The following KRT77 variants were observed in gnomAD, a reference collection of about 807,000 sequenced individuals.
KRT77 encodes the protein keratin 77.
A neutral mutation model predicts 51.5 loss-of-function variants in KRT77; 44 were observed. The ratio of observed to expected loss-of-function variants is 0.85; its 90% confidence interval spans 0.67 to 1.10. The LOEUF (loss-of-function observed/expected upper bound fraction) is 1.10, where lower values mean the gene tolerates loss of function less well. Among genes scored for constraint, KRT77 ranks in the 50% least tolerant of loss-of-function variants. The pLI is 0.00. For missense variants in KRT77, 763 were observed against 743.9 expected (o/e 1.03, Z -0.30); for synonymous variants, 293 against 302.0 (o/e 0.97, Z 0.31).
Position 52,703,502 on chromosome 12 carries a change from A to G in KRT77, c.-68T>C. On this transcript the variant is annotated 5_prime_UTR_variant, in exon 1 of 9. Transcript: ENST00000341809. ...GGCAGGAAGGAGGCAGAGACCAGAG[A>G]GGAAAGGAGCTCTGACTCCTTTGAA... is the stretch of plus-strand genomic sequence containing the variant. 12 of 1,391,728 alleles carry G rather than the reference A, an allele frequency of 8.6e-6. No homozygotes were observed. In the Middle Eastern group the frequency reaches 2.3e-3, roughly 263 times the overall value. The allele number at this position is 1,391,728 out of a possible 1,614,324, so 86.2% of individuals were successfully genotyped here.
In KRT77 at chr12:52,697,671, T is replaced by C; in HGVS notation, c.758+11A>G. 6.2e-7 allele frequency: 1 copy of C among 1,604,548 alleles called. No homozygotes were observed. The highest frequency in any genetic ancestry group is 8.5e-7 in the Non-Finnish European group (1 of 1,174,840). ...TGCTTCTCCCCTGTTTTGCCCTGCC[T>C]GGAGTCTCACTTGCTCTTGTAGTCC... is the stretch of plus-strand genomic sequence containing the variant. On this transcript the variant is annotated intron_variant, in intron 2 of 8. Transcript: ENST00000341809.
At chr12:52,696,317 T>C in intron 3 of KRT77, 53 bp downstream of exon 3, 2 of 1,555,596 alleles carry the variant, frequency 1.3e-6, no homozygotes, top group East Asian at 2.2e-5. Flanking sequence ...GATTCCTCAC[T>C]CCCCTCAGCC....
rs1048502790 is a variant in KRT77 at position 52,689,771 on chromosome 12, C to T, written c.*1394G>A. On this transcript the variant is annotated 3_prime_UTR_variant, in exon 9 of 9. Transcript: ENST00000341809. ...TCCAATGCCCCAAGAGAATCATGGA[C>T]TTGGAAGTTGTGTTAGGACTCAGCT... is the stretch of plus-strand genomic sequence containing the variant. The T allele has an allele frequency of 6.6e-6, 1 of 152,208 alleles. No homozygotes were observed. The highest frequency in any genetic ancestry group is 1.5e-5 in the Non-Finnish European group (1 of 68,060). 9.4% of individuals were successfully genotyped at this position (152,208 alleles called of 1,614,324 possible). A position where few individuals can be genotyped will look rare whatever the true frequency, so the allele number is the denominator to read the frequency against.
intron 4 of KRT77, 118 bp downstream of exon 4, chr12:52,695,654 T>A: frequency 1.6e-6 from 1 of 643,348 alleles, no homozygotes; most frequent in Non-Finnish European, 2.7e-6. Flanking sequence ...TTGGGGTACC[T>A]GGGGAGATGA....
intron 5 of KRT77, 87 bp from the exon 6 acceptor site, chr12:52,692,967 G>T (rs747624313): frequency 1.4e-6 from 2 of 1,462,420 alleles, no homozygotes; most frequent in East Asian, 2.3e-5. Flanking sequence ...GCTCTCCCCT[G>T]GGAGATTCCC....
chr12:52,702,867 C>T, intron 1 of KRT77, 25 bp downstream of exon 1: 1 of 1,611,830 alleles, frequency 6.2e-7, no homozygotes, highest in Non-Finnish European at 8.5e-7. Context: ...TGACCAATGA[C>T]CCTCCCTGCC....
intron 5 of KRT77, among the ~76,000 whole-genome samples, chr12:52,694,051 G>T (rs182077717): frequency 1.4e-5 from 2 of 147,126 alleles, no homozygotes; most frequent in African/African-American, 5.0e-5. Context: ...AAAAAAAAAA[G>T]TAAAAAAAAT....
chr12:52,692,823 T>A lies in KRT77; in HGVS notation c.1138A>T (p.Met380Leu), dbSNP rs755926806. The change falls in exon 6 of 9, where the codon ATG becomes TTG. Residue 380 changes from methionine to leucine, a missense_variant. By Grantham distance (15) the Met-to-Leu change is conservative. Transcript: ENST00000341809. ...GTGCGGTTGAGCTCTGCAATCTCCA[T>A]CTTGCTGTTCTTCAGGTCGTCTCCA... The part of the protein sequence containing the change: ...RHGDDLKNSK[M>L]EIAELNRTVQ... 6.2e-7 allele frequency: 1 copy of A among 1,604,064 alleles called. No individual in the cohort carries two copies. Among genetic ancestry groups the A allele is most frequent in the Non-Finnish European group, 8.5e-7 (1 of 1,171,532 alleles).
chr12:52,692,639 A>C lies in KRT77; in HGVS notation c.1209T>G (p.Ile403Met). ...QAEISNVKKQ[I>M]EQMQSLISDA... ...CCGAAATGAGTGACTGCATCTGTTC[A>C]ATCTGCTCCAGAGACAGTTGGAGAC... is the stretch of plus-strand genomic sequence containing the variant. The change falls in exon 7 of 9, where the codon ATT becomes ATG. Residue 403 changes from isoleucine to methionine, a missense_variant and splice_region_variant. Transcript: ENST00000341809. The C allele has an allele frequency of 6.4e-7, 1 of 1,562,704 alleles. No homozygotes were observed. Among genetic ancestry groups the C allele is most frequent in the East Asian group, 2.2e-5 (1 of 44,782 alleles).
intron 1 of KRT77, among the ~76,000 whole-genome samples, chr12:52,698,875 G>A (rs1941841305): frequency 6.6e-6 from 1 of 152,206 alleles, no homozygotes; most frequent in East Asian, 1.9e-4. Context: ...ACCATGTAAA[G>A]GGGCAAACCC....
In KRT77 at chr12:52,694,804, C is replaced by T. The variant is rs1217567562; in HGVS notation, c.916-14G>A. The T allele has an allele frequency of 7.6e-6, 12 of 1,589,320 alleles. No individual in the cohort carries two copies. Among genetic ancestry groups the T allele is most frequent in the East Asian group, 2.3e-5 (1 of 44,160 alleles). On this transcript the variant is annotated splice_polypyrimidine_tract_variant and intron_variant, in intron 4 of 8. Coordinates refer to ENST00000341809, the MANE Select transcript of KRT77 (RefSeq NM_175078.3). ...CTGAGACAGCTCCTGCGAGGCATGG[C>T]GCACAGGCTGACTCCTTCCATTCTC...
rs756763526 is a variant in KRT77 at position 52,691,446 on chromosome 12, G to A, written c.1463-7C>T. On this transcript the variant is annotated splice_polypyrimidine_tract_variant and splice_region_variant and intron_variant, in intron 8 of 8. Transcript: ENST00000341809. Reference sequence around the variant, plus strand: ...ACCTGGCTGTTCTGCACGGCTGTGGGTAGGGGACAGTGCACACGGGGTCAG... The same window carrying A: ...ACCTGGCTGTTCTGCACGGCTGTGGATAGGGGACAGTGCACACGGGGTCAG... 8.3e-6 allele frequency: 13 copies of A among 1,573,660 alleles called. No homozygotes were observed. In the Admixed American group the frequency reaches 2.3e-4, roughly 27 times the overall value.
intron 1 of KRT77, chr12:52,698,337 A>G: frequency 2.2e-6 from 1 of 461,234 alleles, no homozygotes; most frequent in Admixed American, 2.4e-5. Context: ...GGCTTAGAAC[A>G]TTAAACTAAT....
At position 52,691,137 on chromosome 12, in the gene KRT77, G is replaced by C; in HGVS notation, c.*28C>G. 6.2e-7 allele frequency: 1 copy of C among 1,613,884 alleles called. No homozygotes were observed. The stretch of plus-strand genomic sequence containing the variant: ...TTTGAGGAGAGGGCGGTGAGGGGCA[G>C]GCGTGATGTGTGGCAGAAACGAGGC... On this transcript the variant is annotated 3_prime_UTR_variant, in exon 9 of 9. Transcript: ENST00000341809.
chr12:52,695,328 G>A (rs1941779180), intron 4 of KRT77: 2 of 167,754 alleles, frequency 1.2e-5, no homozygotes, highest in Middle Eastern at 2.8e-3. Context: ...GTTAGACACA[G>A]GCAAAAGAGG....
Position 52,691,376 on chromosome 12 carries a change from C to G in KRT77, c.1526G>C (p.Gly509Ala). 1.2e-6 allele frequency: 2 copies of G among 1,603,916 alleles called. No homozygotes were observed. The highest frequency in any genetic ancestry group is 3.5e-4 in the Middle Eastern group (2 of 5,722). The change falls in exon 9 of 9, where the codon GGA becomes GCA. Residue 509 changes from glycine (G) to alanine (A), a missense_variant. By Grantham distance (60) the Gly-to-Ala change is moderately conservative. Coordinates refer to ENST00000341809, the MANE Select transcript of KRT77 (RefSeq NM_175078.3). ...GAGGGGSYGS[G>A]GYGGGSGGGY... ...CCCACCGCTGCCGCCGCCGTAGCCT[C>G]CTGAGCCGTAGCTGCCGCCGCCTCC...
chr12:52,697,786 G>A lies in KRT77; in HGVS notation c.654C>T (p.Tyr218=), dbSNP rs144346287. The change falls in exon 2 of 9, where the codon TAC becomes TAT. Residue 218 remains tyrosine, a synonymous_variant. Transcript: ENST00000341809. The part of the protein sequence containing the change: ...TNNLEPLLEN[Y]IGDLRRQVDL... Reference sequence around the variant, plus strand: ...CCACCTGCCTCCGCAGGTCACCGATGTAGTTCTCCAAGAGGGGCTCCAGGT... The same window carrying A: ...CCACCTGCCTCCGCAGGTCACCGATATAGTTCTCCAAGAGGGGCTCCAGGT... 1.2e-5 allele frequency: 20 copies of A among 1,614,062 alleles called. No individual in the cohort carries two copies. The Middle Eastern group carries it at 5.0e-4, about 40-fold the overall frequency.
intron 1 of KRT77, among the ~76,000 whole-genome samples, chr12:52,701,345 T>G (rs1160667776): frequency 1.3e-5 from 2 of 152,200 alleles, no homozygotes; most frequent in African/African-American, 4.8e-5. Context: ...TGTGTTGCGC[T>G]CCTCTTCGGC....
At chr12:52,702,308 T>C (rs1206868150) in intron 1 of KRT77, among the ~76,000 whole-genome samples, 2 of 152,210 alleles carry the variant, frequency 1.3e-5, no homozygotes, top group East Asian at 1.9e-4. Flanking sequence ...TGGCCTATCA[T>C]AGATTCTTAG....
Sources: gnomAD v4.1 joint callset for allele counts (sites outside exome capture counted in the v4.1 genomes callset) on GRCh38, gnomAD v4.1.1 for gene constraint, MANE v1.5 for transcripts, NCBI Gene and HGNC (gene_info 2026-07-23, HGNC 2026-07-21) for gene names.